Variants in ECE1 observed in about 807,000 individuals in gnomAD.
The protein encoded by ECE1 is endothelin converting enzyme 1, also known as endothelin-converting enzyme 1.
A neutral mutation model predicts 98.6 loss-of-function variants in ECE1; 35 were observed. The ratio of observed to expected loss-of-function variants is 0.35; its 90% confidence interval spans 0.27 to 0.47. The LOEUF is 0.47. Ranked by LOEUF, ECE1 falls within the 20% of genes least tolerant of loss-of-function variation. ECE1 has a pLI of 1.00. For missense variants in ECE1, 814 were observed against 1,025.3 expected, an observed-to-expected ratio of 0.79 and a Z score of 2.81; for synonymous variants, 394 against 407.1, an observed-to-expected ratio of 0.97 and a Z score of 0.39.
At chr1:21,309,037 T>C (rs1018368171) in intron 1 of ECE1, among the ~76,000 whole-genome samples, 3 of 152,212 alleles carry the variant, frequency 2.0e-5, no homozygotes, top group Non-Finnish European at 4.4e-5. Flanking sequence ...GGCTCCTCGC[T>C]AGTTGGGACT....
In ECE1 at chr1:21,320,918, G is replaced by A. The variant is rs146375134; in HGVS notation, c.3+24458C>T. Among the ~76,000 whole-genome samples the A allele has an allele frequency of 1.9e-4, 29 of 152,326 alleles. 1 individual carries two copies. Among genetic ancestry groups the A allele is most frequent in the African/African-American group, 6.0e-4 (25 of 41,574 alleles). On this transcript the variant is annotated intron_variant, in intron 1 of 18. Coordinates refer to the ECE1 transcript ENST00000415912. ...TGAGGAGCTGTGATGGTCTTCCCTT[G>A]CCCTGGGTCTGAGCCTCTAGGATCC...
chr1:21,222,197 A>G, intron 17 of ECE1: 1 of 316,424 alleles, frequency 3.2e-6, no homozygotes, highest in Non-Finnish European at 6.1e-6. Context: ...CATACACACA[A>G]CTTTTCCCAT....
At chr1:21,238,083 G>A in intron 11 of ECE1, 51 bp downstream of exon 11, 2 of 1,554,118 alleles carry the variant, frequency 1.3e-6, no homozygotes, top group Admixed American at 3.4e-5. Flanking sequence ...GGTCTGTGCA[G>A]GCCACAACAA....
At chr1:21,231,373 A>C (rs2098181535) in intron 14 of ECE1, among the ~76,000 whole-genome samples, 1 of 151,808 alleles carries the variant, frequency 6.6e-6, no homozygotes, top group Non-Finnish European at 1.5e-5. Flanking sequence ...ATGGAGTCTC[A>C]CTCTGTTGCC....
rs147099915 is a variant in ECE1, at chr1:21,308,684, C to T, written c.4-18528G>A. ...TCATTTGTGAAACAGGGCTAGTACC[C>T]CCAACCTCTGAATGAGACGGTGAAC... On this transcript the variant is annotated intron_variant, in intron 1 of 18. Coordinates refer to the ECE1 transcript ENST00000415912. Among the ~76,000 whole-genome samples, 71 of 152,206 alleles carry T rather than the reference C, an allele frequency of 4.7e-4. 1 individual carries two copies. The highest frequency in any genetic ancestry group is 1.0e-3 in the African/African-American group (42 of 41,524).
chr1:21,279,122 C>G (rs897133055), intron 3 of ECE1, 69 bp downstream of exon 3: 240 of 1,613,000 alleles, frequency 1.5e-4, no homozygotes, highest in Non-Finnish European at 1.9e-4. Flanking sequence ...GGGAAGCCCC[C>G]CTCGCCCGAG....
intron 17 of ECE1, 25 bp from the exon 18 acceptor site, chr1:21,221,867 C>G: frequency 6.2e-7 from 1 of 1,609,094 alleles, no homozygotes. Flanking sequence ...AACCAAAGCT[C>G]AGGGGTTCCC....
chr1:21,233,316 A>G lies in ECE1; in HGVS notation c.1670+242T>C. 2.1e-6 allele frequency: 1 copy of G among 480,760 alleles called. No homozygotes were observed. 29.8% of individuals were successfully genotyped at this position (480,760 alleles called of 1,614,324 possible). On this transcript the variant is annotated intron_variant, in intron 14 of 18. Transcript: ENST00000374893. This position sits in a 1 kb window ranked among gnomAD's most constrained non-coding sequence, Gnocchi z 4.0. ...CCAGATCGGCTCCGCTCCAGAGGCC[A>G]GGCTCACCCTGCCAACAGGCTGGGC...
upstream of ECE1, among the ~76,000 whole-genome samples, chr1:21,292,135 G>C (rs1261181494): frequency 6.6e-6 from 1 of 151,950 alleles, no homozygotes; most frequent in African/African-American, 2.4e-5. Flanking sequence ...CAGCGTGGAC[G>C]ACACAACAAG....
At chr1:21,314,479 C>T (rs2103394235) in intron 1 of ECE1, among the ~76,000 whole-genome samples, 1 of 152,350 alleles carries the variant, frequency 6.6e-6, no homozygotes, top group Middle Eastern at 3.4e-3. Context: ...TCTTCCAAGG[C>T]AGGGATCGGC....
At chr1:21,264,409 G>A (rs576295769) in intron 4 of ECE1, among the ~76,000 whole-genome samples, 1 of 151,600 alleles carries the variant, frequency 6.6e-6, no homozygotes, top group South Asian at 2.1e-4. Flanking sequence ...CCGTCTCCTG[G>A]GTTCAAGTGA....
At chr1:21,309,893 G>A (rs902995339) in intron 1 of ECE1, among the ~76,000 whole-genome samples, 2 of 149,978 alleles carry the variant, frequency 1.3e-5, no homozygotes, top group Admixed American at 1.3e-4. Flanking sequence ...CCGGGTTCAC[G>A]CCATTCTCCT....
chr1:21,272,743 C>T lies in ECE1; in HGVS notation c.449G>A (p.Ser150Asn), dbSNP rs779020235. The T allele has an allele frequency of 5.6e-6, 9 of 1,614,146 alleles. No homozygotes were observed. In the South Asian group the frequency reaches 8.8e-5, roughly 16 times the overall value. ...TGCTTGGTTGTGTTCCCAGAGGTTG[C>T]TGAAGGTCCCCCAGCGTGAGTGGCC... ...PDGHSRWGTF[S>N]NLWEHNQAII... Residue 150 changes from serine (S) to asparagine (N), a missense_variant, in exon 4 of 19, where the codon AGC becomes AAC. Around this residue, in one of 3 missense-constraint regions of ECE1, gnomAD observed 257 missense variants for 278.9 expected, o/e 0.92. Coordinates refer to ENST00000374893, the MANE Select transcript of ECE1 (RefSeq NM_001397.3).
upstream of ECE1, among the ~76,000 whole-genome samples, chr1:21,291,118 G>A (rs1277395822): frequency 6.6e-6 from 1 of 151,938 alleles, no homozygotes; most frequent in African/African-American, 2.4e-5. Flanking sequence ...CTCAAGACTC[G>A]GAGCCTCAGC....
intron 2 of ECE1, among the ~76,000 whole-genome samples, chr1:21,280,492 A>G (rs781657279): frequency 9.9e-5 from 15 of 152,142 alleles, no homozygotes; most frequent in Non-Finnish European, 1.9e-4. Context: ...AGAGGAGAGG[A>G]GGGCCTAGAT....
chr1:21,318,885 A>T (rs1395363402), intron 1 of ECE1, among the ~76,000 whole-genome samples: 1 of 152,248 alleles, frequency 6.6e-6, no homozygotes, highest in Non-Finnish European at 1.5e-5. Flanking sequence ...GGGTCAGAAG[A>T]AAGTCAGCAT....
chr1:21,245,163 T>A, intron 9 of ECE1, 60 bp from the exon 10 acceptor site: 1 of 1,473,194 alleles, frequency 6.8e-7, no homozygotes. Flanking sequence ...ATTGCGGCCC[T>A]TCCCCTGCTG....
chr1:21,330,186 C>T (rs1355810871), intron 1 of ECE1, among the ~76,000 whole-genome samples: 1 of 121,586 alleles, frequency 8.2e-6, no homozygotes. Context: ...TCCTATTCCT[C>T]TGGGCCTTTA....
chr1:21,250,469 T>G (rs1184457900), intron 8 of ECE1, among the ~76,000 whole-genome samples: 1 of 152,188 alleles, frequency 6.6e-6, no homozygotes, highest in Admixed American at 6.5e-5. Context: ...ATATTGGCCA[T>G]TACAATCTTT....
Sources: gnomAD v4.1 joint callset for allele counts (sites outside exome capture counted in the v4.1 genomes callset) on GRCh38, gnomAD v4.1.1 for gene constraint, gnomAD v4.1.1 regional missense constraint, Gnocchi (gnomAD v3.1) non-coding constraint, MANE v1.5 for transcripts, NCBI Gene and HGNC (gene_info 2026-07-23, HGNC 2026-07-21) for gene names.